Variants in NMNAT3 observed in about 807,000 individuals in gnomAD.
NMNAT3 encodes nicotinamide nucleotide adenylyltransferase 3.
Under a neutral mutation model 24.8 loss-of-function variants are expected in NMNAT3, and 21 were observed. The observed-to-expected ratio is 0.85, with a 90% CI of 0.60 to 1.22. The LOEUF is 1.22. Among genes scored for constraint, NMNAT3 ranks in the 50% most tolerant of loss-of-function variants. The pLI, the probability that NMNAT3 is intolerant of heterozygous loss-of-function variation, is 0.00. For missense variants in NMNAT3, 387 were observed against 436.6 expected, an observed-to-expected ratio of 0.89 and a Z score of 1.01; for synonymous variants, 136 against 155.2, an observed-to-expected ratio of 0.88 and a Z score of 0.92.
At chr3:139,574,051 A>G (rs1350208555) in intron 5 of NMNAT3, among the ~76,000 whole-genome samples, 1 of 152,200 alleles carries the variant, frequency 6.6e-6, no homozygotes, top group African/African-American at 2.4e-5. Flanking sequence ...TTCAAGACAC[A>G]TTTTCATTTG....
intron 3 of NMNAT3, among the ~76,000 whole-genome samples, chr3:139,621,116 C>T (rs1188446085): frequency 6.6e-6 from 1 of 152,144 alleles, no homozygotes; most frequent in African/African-American, 2.4e-5. Flanking sequence ...AAGTTATTTT[C>T]CACAGCCATT....
chr3:139,659,844 G>A (rs184980182), intron 1 of NMNAT3, among the ~76,000 whole-genome samples: 7 of 152,362 alleles, frequency 4.6e-5, no homozygotes, highest in Non-Finnish European at 7.3e-5. Context: ...GATGAGAAAC[G>A]TTTTAGAAAG....
chr3:139,568,939 G>A (rs1351670887), intron 6 of NMNAT3: 2 of 152,144 alleles, frequency 1.3e-5, no homozygotes, highest in East Asian at 3.9e-4. Flanking sequence ...GTTGACAGTG[G>A]AGTGTTAAAG....
At chr3:139,636,641 A>C (rs2056513940) in intron 2 of NMNAT3, 2 of 152,246 alleles carry the variant, frequency 1.3e-5, no homozygotes. Context: ...TCCAAATAAC[A>C]GCTGTGCCTC....
At chr3:139,592,781 T>G (rs2108176718) in intron 3 of NMNAT3, among the ~76,000 whole-genome samples, 1 of 152,184 alleles carries the variant, frequency 6.6e-6, no homozygotes. Context: ...AGAGATTTTG[T>G]CACTACCAGG....
chr3:139,599,420 T>C (rs772548706), intron 3 of NMNAT3: 2 of 702,406 alleles, frequency 2.8e-6, no homozygotes, highest in South Asian at 3.0e-5. Context: ...CCCTTGGTTG[T>C]GTTGGCTGAA....
chr3:139,667,524 C>A (rs1028849224), intron 1 of NMNAT3, among the ~76,000 whole-genome samples: 1 of 152,086 alleles, frequency 6.6e-6, no homozygotes, highest in Non-Finnish European at 1.5e-5. Context: ...GTCAGATGGA[C>A]AGTTTGCAAA....
rs1241839991 is a variant in NMNAT3 at position 139,561,117 on chromosome 3, G to A, written c.934C>T (p.Leu312=). 6.2e-7 allele frequency: 1 copy of A among 1,614,042 alleles called. No individual in the cohort carries two copies. Among genetic ancestry groups the A allele is most frequent in the African/African-American group, 1.3e-5 (1 of 74,914 alleles). The change falls in exon 7 of 7, where the codon CTG becomes TTG. Residue 312 remains leucine (L), a synonymous_variant. Transcript: ENST00000643695. ...TACGTGATGACAGCATCGGGAATCA[G>A]GTACTTTACGCTCTGCCCTTGGCCC...
At chr3:139,614,671 G>A (rs1603554) in intron 3 of NMNAT3, among the ~76,000 whole-genome samples, 141,503 of 152,318 alleles carry the variant, frequency 0.93, 66,661 homozygotes, top group East Asian at 1. Flanking sequence ...GACCCTCCTC[G>A]GTGCATCATA....
At chr3:139,666,069 G>A (rs1367554628) in intron 1 of NMNAT3, among the ~76,000 whole-genome samples, 3 of 152,072 alleles carry the variant, frequency 2.0e-5, no homozygotes, top group Admixed American at 6.5e-5. Context: ...GTCATTCCAG[G>A]TGGTTCTCAG....
At chr3:139,624,487 C>G (rs958086539) in intron 3 of NMNAT3, among the ~76,000 whole-genome samples, 2 of 151,412 alleles carry the variant, frequency 1.3e-5, no homozygotes, top group Non-Finnish European at 2.9e-5. Flanking sequence ...TCGCTGCACT[C>G]CCCAGGCTGG....
In NMNAT3 at chr3:139,615,847, A is replaced by G. The variant is rs1469672898; in HGVS notation, c.109+11769T>C. Among the ~76,000 whole-genome samples the G allele has an allele frequency of 3.5e-5, 4 of 114,300 alleles. No individual in the cohort carries two copies. In the South Asian group the frequency reaches 1.6e-3, roughly 45 times the overall value. The allele number at this position is 114,300 out of a possible 152,430, so 75.0% of individuals were successfully genotyped here. A position where few individuals can be genotyped will look rare whatever the true frequency, so the allele number is the denominator to read the frequency against. On this transcript the variant is annotated intron_variant, in intron 3 of 6. Coordinates refer to ENST00000643695, the MANE Select transcript of NMNAT3 (RefSeq NM_001320510.2). ...GCCATCAACAATCTTTCAAACATGA[A>G]AATTCCTATTTCTAGCTTCTTGTGT...
chr3:139,643,834 A>T (rs2056786683), intron 1 of NMNAT3, among the ~76,000 whole-genome samples: 1 of 152,212 alleles, frequency 6.6e-6, no homozygotes, highest in African/African-American at 2.4e-5. Context: ...TTACACACTT[A>T]AAAATGGTGA....
intron 1 of NMNAT3, among the ~76,000 whole-genome samples, chr3:139,673,971 C>A (rs2057843832): frequency 1.3e-5 from 2 of 152,164 alleles, no homozygotes; most frequent in Non-Finnish European, 1.5e-5. Flanking sequence ...TTCAGGAAGG[C>A]TTCCCTGCAA....
intron 1 of NMNAT3, among the ~76,000 whole-genome samples, chr3:139,655,337 C>T (rs1289871348): frequency 6.6e-6 from 1 of 152,160 alleles, no homozygotes; most frequent in East Asian, 1.9e-4. Context: ...ACCTGAGGGT[C>T]CCCTGAACAA....
intron 1 of NMNAT3, among the ~76,000 whole-genome samples, chr3:139,641,254 G>T (rs1265233548): frequency 6.6e-6 from 1 of 152,202 alleles, no homozygotes; most frequent in African/African-American, 2.4e-5. Flanking sequence ...ATGAGGACTT[G>T]TTGATTTTCC....
At chr3:139,581,981 G>A (rs1297949965) in intron 4 of NMNAT3, among the ~76,000 whole-genome samples, 1 of 151,702 alleles carries the variant, frequency 6.6e-6, no homozygotes, top group Non-Finnish European at 1.5e-5. Flanking sequence ...GATCACCTGA[G>A]GTCAGGAGTT....
chr3:139,627,363 G>A (rs552314450), intron 3 of NMNAT3, among the ~76,000 whole-genome samples: 12 of 152,228 alleles, frequency 7.9e-5, no homozygotes, highest in African/African-American at 1.4e-4. Flanking sequence ...GCCTGTTGTC[G>A]TTCATTGCCA....
intron 1 of NMNAT3, among the ~76,000 whole-genome samples, chr3:139,650,830 G>A (rs1299449886): frequency 6.6e-6 from 1 of 152,122 alleles, no homozygotes; most frequent in East Asian, 1.9e-4. Context: ...TCCCTTCCTC[G>A]AGGCAGAAGT....
Sources: allele counts gnomAD v4.1 joint callset (sites outside exome capture counted in the v4.1 genomes callset), GRCh38; gene constraint gnomAD v4.1.1; transcripts MANE v1.5; gene names NCBI Gene and HGNC (gene_info 2026-07-23, HGNC 2026-07-21).